Variants in SP140 observed in about 807,000 individuals in gnomAD.
SP140 encodes the protein SP140 nuclear body protein.
Under a neutral mutation model 125.0 loss-of-function variants are expected in SP140, and 81 were observed. The ratio of observed to expected loss-of-function variants is 0.65; its 90% confidence interval spans 0.54 to 0.78. SP140 has a LOEUF of 0.78. Among genes scored for constraint, SP140 ranks in the 30% least tolerant of loss-of-function variants. SP140 has a pLI of 0.00. For synonymous variants in SP140, 312 were observed against 354.0 expected (o/e 0.88, Z 1.33); for missense variants, 858 against 1,037.0 (o/e 0.83, Z 2.37).
At chr2:230,250,548 A>G (rs1382061879) in intron 9 of SP140, among the ~76,000 whole-genome samples, 3 of 152,094 alleles carry the variant, frequency 2.0e-5, no homozygotes, top group Admixed American at 6.6e-5. Flanking sequence ...GATGCCCAGT[A>G]TGAGAAAGGG....
intron 22 of SP140, among the ~76,000 whole-genome samples, chr2:230,304,513 G>T (rs2058579397): frequency 6.6e-6 from 1 of 152,152 alleles, no homozygotes; most frequent in Non-Finnish European, 1.5e-5. Context: ...ATACTACAAG[G>T]CTATAGTCAC....
intron 4 of SP140, among the ~76,000 whole-genome samples, chr2:230,241,924 C>T (rs1184979951): frequency 6.6e-6 from 1 of 152,060 alleles, no homozygotes; most frequent in African/African-American, 2.4e-5. Flanking sequence ...CGGAGATGAC[C>T]AGTTAGGGGT....
Position 230,281,710 on chromosome 2 carries a change from T to A in SP140, c.1499-2636T>A, listed in dbSNP as rs190467766. ...ATTTCACACAGCATGTTTTTGAGATTCATCCATATTGTTGGATGTCTCAGT... is the reference window on the plus strand; with the variant it reads ...ATTTCACACAGCATGTTTTTGAGATACATCCATATTGTTGGATGTCTCAGT... On this transcript the variant is annotated intron_variant, in intron 15 of 26. Coordinates refer to ENST00000392045, the MANE Select transcript of SP140 (RefSeq NM_007237.5). Among the ~76,000 whole-genome samples, 836 of 152,354 alleles carry A rather than the reference T, an allele frequency of 5.5e-3. 4 individuals are homozygous for A. Among genetic ancestry groups the A allele is most frequent in the Non-Finnish European group, 8.9e-3 (605 of 68,034 alleles).
chr2:230,218,016 T>A (rs2045415190), intron 3 of SP140, among the ~76,000 whole-genome samples: 1 of 152,234 alleles, frequency 6.6e-6, no homozygotes, highest in South Asian at 2.1e-4. Context: ...GACATGCGCC[T>A]TTTCCCATGC....
At chr2:230,292,962 C>G (rs769918287) in intron 20 of SP140, among the ~76,000 whole-genome samples, 174 bp downstream of exon 20, 1 of 152,216 alleles carries the variant, frequency 6.6e-6, no homozygotes, top group Non-Finnish European at 1.5e-5. Context: ...CAGTGCAACA[C>G]ATTGACGTTG....
At chr2:230,220,871 T>C (rs1054943257), upstream of SP140, among the ~76,000 whole-genome samples, 1 of 151,774 alleles carries the variant, frequency 6.6e-6, no homozygotes, top group African/African-American at 2.4e-5. Flanking sequence ...ATTAACTGAG[T>C]GTGGTGGCAT....
At chr2:230,243,703 A>T (rs1442991091) in intron 4 of SP140, 28 bp from the exon 5 acceptor site, 1 of 1,544,034 alleles carries the variant, frequency 6.5e-7, no homozygotes, top group Non-Finnish European at 8.9e-7. Context: ...AAATCAAGAC[A>T]TCTAAGGGAT....
chr2:230,261,672 G>A (rs2052271547), intron 12 of SP140, among the ~76,000 whole-genome samples: 1 of 152,054 alleles, frequency 6.6e-6, no homozygotes, highest in Non-Finnish European at 1.5e-5. Flanking sequence ...GGAGATGCTG[G>A]ATTTTGTTGA....
At chr2:230,191,568 T>C in the SP140 span, among the ~76,000 whole-genome samples, 115,789 of 151,638 alleles carry the variant, frequency 0.76, 44,313 homozygotes, top group Admixed American at 0.83. Flanking sequence ...ATACACCCTA[T>C]CAAGACTAAA....
chr2:230,233,254 A>C (rs538505008), intron 1 of SP140, among the ~76,000 whole-genome samples: 24 of 152,254 alleles, frequency 1.6e-4, no homozygotes, highest in Admixed American at 3.9e-4. Context: ...ATTTATAACT[A>C]TATCATTTGA....
chr2:230,307,990 T>TATATAC lies in SP140; in HGVS notation c.2059-1933_2059-1932insTATACA, dbSNP rs869070046. Among the ~76,000 whole-genome samples, 331 of 52,546 alleles carry TATATAC rather than the reference T, an allele frequency of 6.3e-3. 3 individuals carry two copies. Among genetic ancestry groups the TATATAC allele is most frequent in the African/African-American group, 0.021 (276 of 13,026 alleles). The allele number at this position is 52,546 out of a possible 152,430, so 34.5% of individuals were successfully genotyped here. On this transcript the variant is annotated intron_variant, in intron 22 of 26. Transcript: ENST00000392045. ...ATATATATATATATATATATATATA[T>TATATAC]ACACACACACACACACACACACACA...
At chr2:230,284,670 C>T (rs866046768) in intron 16 of SP140, among the ~76,000 whole-genome samples, 19 of 152,250 alleles carry the variant, frequency 1.2e-4, no homozygotes, top group African/African-American at 4.3e-4. Context: ...TTTCCTAGCT[C>T]AAAGTATTTT....
chr2:230,259,114 C>T (rs953341716), intron 12 of SP140, among the ~76,000 whole-genome samples: 1 of 151,832 alleles, frequency 6.6e-6, no homozygotes, highest in South Asian at 2.1e-4. Flanking sequence ...TTTATTTTTC[C>T]GTAAGTTATT....
At chr2:230,264,051 TC>T (rs1430932461) in intron 12 of SP140, among the ~76,000 whole-genome samples, 3 of 152,162 alleles carry the variant, frequency 2.0e-5, no homozygotes, top group Non-Finnish European at 4.4e-5. Context: ...CTTTGATTAT[TC>T]CCCCAAATAT....
At chr2:230,202,961 T>G (rs2043327088), upstream of SP140, 1 of 562,048 alleles carries the variant, frequency 1.8e-6, no homozygotes, top group Non-Finnish European at 3.2e-6. Context: ...TATGACCTGT[T>G]GCAATCAACT....
chr2:230,194,435 AC>A, the SP140 span, among the ~76,000 whole-genome samples: 1 of 152,010 alleles, frequency 6.6e-6, no homozygotes, highest in East Asian at 1.9e-4. Context: ...CCTGGTCTAT[AC>A]AAAAAATTTA....
In SP140 at chr2:230,302,152, G is replaced by A. The variant is rs996292728; in HGVS notation, c.2058+4690G>A. On this transcript the variant is annotated intron_variant, in intron 22 of 26. Coordinates refer to ENST00000392045, the MANE Select transcript of SP140 (RefSeq NM_007237.5). The stretch of plus-strand genomic sequence containing the variant: ...AAACAATTACTCACTTTGGGAGGCC[G>A]AGGTGGGTGGATCACAAGGTCAGGA... Among the ~76,000 whole-genome samples the A allele has an allele frequency of 5.3e-5, 8 of 152,036 alleles. 1 individual carries two copies. In the South Asian group the frequency reaches 8.3e-4, roughly 16 times the overall value.
Position 230,209,827 on chromosome 2 carries a change from G to A in SP140, c.-322-3827G>A, listed in dbSNP as rs1049454543. The stretch of plus-strand genomic sequence containing the variant: ...AGAAACGAACTGTGTGTGGCATCAG[G>A]ACTGTGGTCACATAGTGGTGCTCTT... On this transcript the variant is annotated intron_variant, in intron 1 of 4. Coordinates refer to the SP140 transcript ENST00000456542. The A allele has an allele frequency of 1.1e-5, 9 of 783,998 alleles. No homozygotes were observed. In the Admixed American group the frequency reaches 1.2e-4, roughly 10 times the overall value. The allele number at this position is 783,998 out of a possible 1,614,324, so 48.6% of individuals were successfully genotyped here.
At chr2:230,285,878 C>T (rs1214048945) in intron 17 of SP140, 46 bp downstream of exon 17, 3 of 1,412,592 alleles carry the variant, frequency 2.1e-6, no homozygotes, top group Admixed American at 3.4e-5. Flanking sequence ...CAGGTCAATA[C>T]AAATTTTACT....
Sources: gnomAD v4.1 joint callset for allele counts (sites outside exome capture counted in the v4.1 genomes callset) on GRCh38, gnomAD v4.1.1 for gene constraint, MANE v1.5 for transcripts, NCBI Gene and HGNC (gene_info 2026-07-23, HGNC 2026-07-21) for gene names.